Variants in IQGAP2 observed in about 807,000 individuals in gnomAD.
IQGAP2 encodes the protein IQ motif containing GTPase activating protein 2.
Under a neutral mutation model 201.3 loss-of-function variants are expected in IQGAP2, and 173 were observed. That is an observed-to-expected ratio of 0.86 (90% CI 0.76 to 0.98). The LOEUF (loss-of-function observed/expected upper bound fraction) is 0.98. IQGAP2 is among the 50% of genes least tolerant of loss of function. IQGAP2 has a pLI of 0.00. For synonymous variants in IQGAP2, 675 were observed against 673.9 expected (o/e 1.00, Z -0.03); for missense variants, 1,687 against 1,864.8 (o/e 0.90, Z 1.76).
chr5:76,444,645 G>A (rs549190777), intron 1 of IQGAP2, among the ~76,000 whole-genome samples: 2 of 151,838 alleles, frequency 1.3e-5, no homozygotes, highest in East Asian at 3.9e-4. Flanking sequence ...GAATTATGAA[G>A]GCAGCATTTG....
chr5:76,521,645 G>A (rs1758689876), intron 2 of IQGAP2, among the ~76,000 whole-genome samples: 1 of 152,158 alleles, frequency 6.6e-6, no homozygotes, highest in African/African-American at 2.4e-5. Flanking sequence ...AGGAACCAGA[G>A]ACCATCGTGT....
chr5:76,704,642 A>C (rs1747714863), intron 35 of IQGAP2, among the ~76,000 whole-genome samples: 2 of 152,182 alleles, frequency 1.3e-5, no homozygotes, highest in African/African-American at 4.8e-5. Flanking sequence ...CCTGTTTTTA[A>C]AATTATTAAG....
chr5:76,686,423 T>C (rs1054410575), intron 30 of IQGAP2, among the ~76,000 whole-genome samples: 4 of 152,128 alleles, frequency 2.6e-5, no homozygotes, highest in African/African-American at 4.8e-5. Context: ...GTTTTAGCTT[T>C]TACAGTTAGG....
At chr5:76,577,108 ATC>A (rs1745521311) in intron 5 of IQGAP2, among the ~76,000 whole-genome samples, 1 of 152,224 alleles carries the variant, frequency 6.6e-6, no homozygotes, top group African/African-American at 2.4e-5. Flanking sequence ...CACAGTGCTA[ATC>A]TCTAGTTCTG....
intron 17 of IQGAP2, among the ~76,000 whole-genome samples, chr5:76,644,295 C>CTTTTGTTTTTTTTTTTTTTTTTTTTT (rs1751840016): frequency 2.1e-5 from 1 of 47,778 alleles, no homozygotes; most frequent in Non-Finnish European, 4.3e-5. Flanking sequence ...TTTGTAAATC[C>CTTTTGTTTTTTTTTTTTTTTTTTTTT]TTTTTTTTTT....
At chr5:76,674,793 G>T in intron 27 of IQGAP2, 84 bp downstream of exon 27, 1 of 1,007,392 alleles carries the variant, frequency 9.9e-7, no homozygotes, top group Non-Finnish European at 1.5e-6. Flanking sequence ...GCTAGAGTGG[G>T]CATGGAGGAC....
In IQGAP2 at chr5:76,627,422, G is replaced by A. The variant is rs1487374525; in HGVS notation, c.1534G>A (p.Val512Ile). The change falls in exon 14 of 36, where the codon GTT becomes ATT. Residue 512 changes from valine (V) to isoleucine (I), a missense_variant. Coordinates refer to ENST00000274364, the MANE Select transcript of IQGAP2 (RefSeq NM_006633.5). ...KSQKLGDSES[V>I]SKVLWLDEIQ... is the part of the protein sequence containing the mutation. Reference sequence around the variant, plus strand: ...ACATTGTCCCCAGGACTCTGAGAGTGTTTCCAAAGTGCTTTGGCTGGATGA... The same window carrying A: ...ACATTGTCCCCAGGACTCTGAGAGTATTTCCAAAGTGCTTTGGCTGGATGA... 5 of 1,599,454 alleles carry A rather than the reference G, an allele frequency of 3.1e-6. No individual in the cohort carries two copies. The highest frequency in any genetic ancestry group is 3.4e-6 in the Non-Finnish European group (4 of 1,166,650).
At chr5:76,460,575 G>C (rs1754389353) in intron 1 of IQGAP2, among the ~76,000 whole-genome samples, 1 of 152,160 alleles carries the variant, frequency 6.6e-6, no homozygotes. Flanking sequence ...GAGACATTAA[G>C]ACCTGGACTC....
intron 1 of IQGAP2, among the ~76,000 whole-genome samples, chr5:76,457,226 G>A (rs1356488778): frequency 6.6e-6 from 1 of 151,974 alleles, no homozygotes; most frequent in Non-Finnish European, 1.5e-5. Context: ...TGAACTCAAG[G>A]GATTCATTCA....
At chr5:76,639,339 A>G (rs1751385773) in intron 16 of IQGAP2, among the ~76,000 whole-genome samples, 1 of 152,208 alleles carries the variant, frequency 6.6e-6, no homozygotes, top group South Asian at 2.1e-4. Flanking sequence ...TGTTTTTGAC[A>G]CAGTCACCGG....
At position 76,603,127 on chromosome 5, in the gene IQGAP2, C is replaced by T. The variant is rs79923661; in HGVS notation, c.1232+2155C>T. Among the ~76,000 whole-genome samples the T allele has an allele frequency of 5.1e-3, 772 of 152,318 alleles. 6 individuals carry two copies. Among genetic ancestry groups the T allele is most frequent in the African/African-American group, 0.017 (704 of 41,578 alleles). On this transcript the variant is annotated intron_variant, in intron 11 of 35. Coordinates refer to ENST00000274364, the MANE Select transcript of IQGAP2 (RefSeq NM_006633.5). ...CCTTACCTCCAGCTCCATCCCTACTCGTATTTTGTGCTTTAGCCAAGTCCA... is the reference window on the plus strand; with the variant it reads ...CCTTACCTCCAGCTCCATCCCTACTTGTATTTTGTGCTTTAGCCAAGTCCA...
At chr5:76,584,760 C>T (rs1229636242) in intron 5 of IQGAP2, among the ~76,000 whole-genome samples, 1 of 152,124 alleles carries the variant, frequency 6.6e-6, no homozygotes, top group African/African-American at 2.4e-5. Context: ...TCCTGACATG[C>T]GGATCTGCAG....
intron 1 of IQGAP2, among the ~76,000 whole-genome samples, chr5:76,456,050 A>G (rs377512002): frequency 2.0e-5 from 3 of 152,132 alleles, no homozygotes; most frequent in Non-Finnish European, 4.4e-5. Context: ...GAGAGCAGCA[A>G]ACTTCGTAGG....
At chr5:76,418,436 G>A (rs1238182576) in intron 1 of IQGAP2, among the ~76,000 whole-genome samples, 3 of 152,016 alleles carry the variant, frequency 2.0e-5, no homozygotes, top group Admixed American at 6.6e-5. Flanking sequence ...GGTGGCTCAC[G>A]CTTATAATCC....
intron 5 of IQGAP2, among the ~76,000 whole-genome samples, chr5:76,586,334 T>C (rs1475966497): frequency 1.3e-5 from 2 of 151,746 alleles, no homozygotes; most frequent in Non-Finnish European, 2.9e-5. Context: ...TTAAAACTAA[T>C]GTTACACATA....
intron 14 of IQGAP2, chr5:76,628,577 T>C (rs893767954): frequency 3.0e-6 from 1 of 329,682 alleles, no homozygotes; most frequent in Non-Finnish European, 6.0e-6. Flanking sequence ...TAAATTAAGA[T>C]TCCTAAAAAT....
intron 27 of IQGAP2, among the ~76,000 whole-genome samples, chr5:76,675,230 ACC>A (rs1388333897): frequency 6.6e-6 from 1 of 152,334 alleles, no homozygotes; most frequent in Admixed American, 6.5e-5. Context: ...GGGATGCAGA[ACC>A]CACATATACA....
At chr5:76,584,010 T>G (rs1035248862) in intron 5 of IQGAP2, among the ~76,000 whole-genome samples, 2 of 152,036 alleles carry the variant, frequency 1.3e-5, no homozygotes, top group Non-Finnish European at 2.9e-5. Context: ...GTAGCTGGGA[T>G]TACAGGCGTG....
intron 1 of IQGAP2, among the ~76,000 whole-genome samples, chr5:76,413,292 C>T (rs930077423): frequency 6.6e-6 from 1 of 151,276 alleles, no homozygotes; most frequent in Admixed American, 6.6e-5. Flanking sequence ...TCTCAGCCTC[C>T]CGAGTAGCTG....
Sources: gnomAD v4.1 joint callset for allele counts (sites outside exome capture counted in the v4.1 genomes callset) on GRCh38, gnomAD v4.1.1 for gene constraint, MANE v1.5 for transcripts, NCBI Gene and HGNC (gene_info 2026-07-23, HGNC 2026-07-21) for gene names.